Variants in MAST2 observed in about 807,000 individuals in gnomAD.
The protein encoded by MAST2 is microtubule-associated serine/threonine-protein kinase 2.
A neutral mutation model predicts 147.4 loss-of-function variants in MAST2; 70 were observed. The observed-to-expected ratio is 0.47, with a 90% CI of 0.39 to 0.58. The LOEUF (loss-of-function observed/expected upper bound fraction) is 0.58. Ranked by LOEUF, MAST2 falls within the 20% of genes least tolerant of loss-of-function variation. MAST2 has a pLI of 0.00. For synonymous variants in MAST2, 869 were observed against 896.8 expected (o/e 0.97, Z 0.55); for missense variants, 2,080 against 2,302.3 (o/e 0.90, Z 1.98).
chr1:45,926,265 A>C (rs1198129336), intron 4 of MAST2, among the ~76,000 whole-genome samples: 4 of 152,282 alleles, frequency 2.6e-5, no homozygotes, highest in African/African-American at 9.6e-5. Flanking sequence ...GTACATCTAC[A>C]ATTGTTTAGA....
chr1:45,856,362 GCTT>G (rs1645790598), intron 3 of MAST2, among the ~76,000 whole-genome samples: 1 of 152,154 alleles, frequency 6.6e-6, no homozygotes, highest in Non-Finnish European at 1.5e-5. Context: ...CTAATATGTG[GCTT>G]CTTCTCATAT....
At chr1:45,924,950 A>G (rs1323657050) in intron 4 of MAST2, among the ~76,000 whole-genome samples, 1 of 152,260 alleles carries the variant, frequency 6.6e-6, no homozygotes, top group African/African-American at 2.4e-5. Context: ...TTGGACTTCT[A>G]GCCTGAACTA....
intron 3 of MAST2, among the ~76,000 whole-genome samples, chr1:45,859,834 C>T (rs965982656): frequency 6.6e-6 from 1 of 152,126 alleles, no homozygotes; most frequent in Non-Finnish European, 1.5e-5. Context: ...ATACTAATAA[C>T]ATAGTAGAGA....
At position 46,019,475 on chromosome 1, in the gene MAST2, C is replaced by G; in HGVS notation, c.1189-121C>G. Reference sequence around the variant, plus strand: ...CAGCCAGCCTTCTCTGAGTTCCTTGCTTTGCGGAGCTCTCTATGCTACCGA... The same window carrying G: ...CAGCCAGCCTTCTCTGAGTTCCTTGGTTTGCGGAGCTCTCTATGCTACCGA... On this transcript the variant is annotated intron_variant, in intron 10 of 28. Transcript: ENST00000361297. The G allele has an allele frequency of 4.2e-6, 3 of 715,688 alleles. 1 individual carries two copies. The South Asian group carries it at 5.5e-5, about 13-fold the overall frequency. 44.3% of individuals were successfully genotyped at this position (715,688 alleles called of 1,614,324 possible).
chr1:45,842,353 A>G (rs1645303557), intron 3 of MAST2, among the ~76,000 whole-genome samples: 1 of 152,194 alleles, frequency 6.6e-6, no homozygotes, highest in African/African-American at 2.4e-5. Context: ...AAAGTGAACA[A>G]TTCAGTGGCA....
chr1:45,989,837 A>G (rs950468109), intron 5 of MAST2, among the ~76,000 whole-genome samples: 3 of 152,216 alleles, frequency 2.0e-5, no homozygotes, highest in African/African-American at 7.2e-5. Context: ...ATCTTATGAC[A>G]TATAGCCTTT....
chr1:45,825,046 G>T (rs1021579095), intron 2 of MAST2, among the ~76,000 whole-genome samples: 1 of 151,910 alleles, frequency 6.6e-6, no homozygotes, highest in East Asian at 1.9e-4. Context: ...TTTTTTTTGA[G>T]ATGGAGTTTC....
At chr1:46,022,292 C>T (rs187009684) in intron 12 of MAST2, among the ~76,000 whole-genome samples, 3 of 152,344 alleles carry the variant, frequency 2.0e-5, no homozygotes, top group African/African-American at 7.2e-5. Flanking sequence ...TAGATCCCAA[C>T]CTGGATTGCA....
chr1:45,972,637 C>T (rs907175307), intron 5 of MAST2, among the ~76,000 whole-genome samples: 2 of 152,204 alleles, frequency 1.3e-5, no homozygotes, highest in Non-Finnish European at 1.5e-5. Context: ...ATCCCTTACT[C>T]CTGTTTATGC....
intron 4 of MAST2, among the ~76,000 whole-genome samples, chr1:45,887,372 G>A (rs1384568203): frequency 6.6e-6 from 1 of 152,172 alleles, no homozygotes; most frequent in Admixed American, 6.5e-5. Flanking sequence ...ATTCATCATG[G>A]GGTATGTGTA....
At position 46,023,028 on chromosome 1, in the gene MAST2, G is replaced by T; in HGVS notation, c.1485+57G>T. On this transcript the variant is annotated intron_variant, in intron 13 of 28. Coordinates refer to ENST00000361297, the MANE Select transcript of MAST2 (RefSeq NM_015112.3). This position sits in a 1 kb window ranked among gnomAD's most constrained non-coding sequence, Gnocchi z 4.9. The stretch of plus-strand genomic sequence containing the variant: ...GAGCCTGGGCCCTATGAAGCAAAGA[G>T]CTATGAATTCTCTTTAAGAGAATAT... 6.6e-7 allele frequency: 1 copy of T among 1,517,016 alleles called. No individual in the cohort carries two copies. The highest frequency in any genetic ancestry group is 1.1e-5 in the South Asian group (1 of 88,394). The allele number at this position is 1,517,016 out of a possible 1,614,324, so 94.0% of individuals were successfully genotyped here.
intron 1 of MAST2, among the ~76,000 whole-genome samples, chr1:45,817,316 C>T (rs1303877350): frequency 6.6e-6 from 1 of 152,036 alleles, no homozygotes; most frequent in South Asian, 2.1e-4. Context: ...ATGAAGGATC[C>T]TAAAAGCAGT....
intron 2 of MAST2, among the ~76,000 whole-genome samples, chr1:45,826,544 G>C (rs1454056759): frequency 6.6e-6 from 1 of 151,896 alleles, no homozygotes; most frequent in African/African-American, 2.4e-5. Flanking sequence ...GTAGAGAGGG[G>C]GTTTCGCCAT....
At chr1:45,862,362 A>G (rs559928697) in intron 3 of MAST2, among the ~76,000 whole-genome samples, 14 of 152,326 alleles carry the variant, frequency 9.2e-5, no homozygotes, top group South Asian at 8.3e-4. Context: ...GTTCTTTCCA[A>G]TTGGAAGGTT....
rs573297630 is a variant in MAST2, at chr1:45,842,662, C to T, written c.468+13081C>T. Among the ~76,000 whole-genome samples the T allele has an allele frequency of 1.6e-4, 25 of 152,224 alleles. No individual in the cohort carries two copies. In the East Asian group the frequency reaches 3.9e-3, roughly 23 times the overall value. On this transcript the variant is annotated intron_variant, in intron 3 of 28. Coordinates refer to ENST00000361297, the MANE Select transcript of MAST2 (RefSeq NM_015112.3). ...TCCTTCTTTTGGTTGAATAATATCT[C>T]GTTGTATGTGTCCAACACAACTTTT...
intron 3 of MAST2, among the ~76,000 whole-genome samples, chr1:45,870,168 C>T (rs985434951): frequency 6.6e-6 from 1 of 152,166 alleles, no homozygotes; most frequent in African/African-American, 2.4e-5. Context: ...AGGTGATCTG[C>T]CCACCTTGGC....
intron 6 of MAST2, among the ~76,000 whole-genome samples, chr1:46,002,159 T>C (rs1645299664): frequency 6.6e-6 from 1 of 152,112 alleles, no homozygotes; most frequent in African/African-American, 2.4e-5. Flanking sequence ...GTGGGGAGCA[T>C]CCTTTTGAGA....
chr1:46,024,657 TCTC>T (rs1415184327), intron 15 of MAST2, among the ~76,000 whole-genome samples: 1 of 152,222 alleles, frequency 6.6e-6, no homozygotes. Flanking sequence ...GATGTTAACA[TCTC>T]AGCCAGATGT....
In MAST2 at chr1:45,930,244, A is replaced by AT. The variant is rs533482379; in HGVS notation, c.501-29134dup. Among the ~76,000 whole-genome samples, 207 of 151,504 alleles carry AT rather than the reference A, an allele frequency of 1.4e-3. 2 individuals carry two copies. Among genetic ancestry groups the AT allele is most frequent in the Admixed American group, 4.0e-3 (60 of 15,182 alleles). ...AGGCACCCACCACCACGCCTGGCTA[A>AT]TTTTTTTTGTATTTTTAGTAGAGAC... On this transcript the variant is annotated intron_variant, in intron 4 of 28. Coordinates refer to ENST00000361297, the MANE Select transcript of MAST2 (RefSeq NM_015112.3).
Sources: gnomAD v4.1 joint callset for allele counts (sites outside exome capture counted in the v4.1 genomes callset) on GRCh38, gnomAD v4.1.1 for gene constraint, Gnocchi (gnomAD v3.1) non-coding constraint, MANE v1.5 for transcripts, NCBI Gene and HGNC (gene_info 2026-07-23, HGNC 2026-07-21) for gene names.